The following SLC4A4 variants were observed in gnomAD, a reference collection of about 807,000 sequenced individuals.
SLC4A4 encodes the protein solute carrier family 4 member 4.
SLC4A4 carries 27 observed loss-of-function variants against 111.5 expected under a neutral mutation model. That is an observed-to-expected ratio of 0.24 (90% confidence interval 0.18 to 0.33). The LOEUF (loss-of-function observed/expected upper bound fraction) is 0.33, where lower values mean the gene tolerates loss of function less well. Ranked by LOEUF, SLC4A4 falls within the 10% of genes least tolerant of loss-of-function variation. The pLI is 1.00. For synonymous variants in SLC4A4, 443 were observed against 463.4 expected, an observed-to-expected ratio of 0.96 and a Z score of 0.57; for missense variants, 909 against 1,315.5, an observed-to-expected ratio of 0.69 and a Z score of 4.78.
chr4:71,282,234 A>G (rs976776938), intron 3 of SLC4A4, among the ~76,000 whole-genome samples: 3 of 151,898 alleles, frequency 2.0e-5, no homozygotes, highest in Non-Finnish European at 4.4e-5. Flanking sequence ...CCATTGCAGT[A>G]TAGTTTATGG....
At chr4:71,542,182 G>A (rs1026309) in intron 18 of SLC4A4, among the ~76,000 whole-genome samples, 26,819 of 152,052 alleles carry the variant, frequency 0.18, 3,859 homozygotes, top group East Asian at 0.49. Context: ...CACTGTACTA[G>A]ACATGGTAAG....
intron 2 of SLC4A4, among the ~76,000 whole-genome samples, chr4:71,171,938 G>A (rs1341393156): frequency 6.6e-6 from 1 of 152,178 alleles, no homozygotes; most frequent in East Asian, 1.9e-4. Context: ...GGCTACTGGT[G>A]GAGGCAGAGA....
intron 2 of SLC4A4, among the ~76,000 whole-genome samples, chr4:71,150,342 A>G (rs761959906): frequency 1.3e-5 from 2 of 152,088 alleles, no homozygotes; most frequent in Non-Finnish European, 2.9e-5. Flanking sequence ...GTGGTTAGGG[A>G]AACAGATGCC....
chr4:71,315,277 C>T (rs1352483294), intron 3 of SLC4A4, among the ~76,000 whole-genome samples: 1 of 152,114 alleles, frequency 6.6e-6, no homozygotes, highest in Non-Finnish European at 1.5e-5. Flanking sequence ...TCCAGAGTTA[C>T]TCTCCTAATA....
chr4:71,252,692 G>T (rs566063358), intron 2 of SLC4A4, among the ~76,000 whole-genome samples: 2 of 152,208 alleles, frequency 1.3e-5, no homozygotes, highest in African/African-American at 4.8e-5. Flanking sequence ...GCTTCGCAGA[G>T]GCCATCACTA....
At chr4:71,253,081 G>A (rs553325874) in intron 2 of SLC4A4, among the ~76,000 whole-genome samples, 1 of 152,196 alleles carries the variant, frequency 6.6e-6, no homozygotes, top group South Asian at 2.1e-4. Context: ...GAGGAAATGG[G>A]GATAGACAGA....
Position 71,316,303 on chromosome 4 carries a change from A to C in SLC4A4, c.254-23067A>C, listed in dbSNP as rs180808138. Among the ~76,000 whole-genome samples the C allele has an allele frequency of 3.6e-3, 545 of 152,262 alleles. 3 individuals are homozygous for C. The highest frequency in any genetic ancestry group is 0.012 in the African/African-American group (479 of 41,556). ...TCTTGCTGCGCTTGAAGTTTAGAAG[A>C]AAACCCTCCCTCTGAACATTCTGGA... On this transcript the variant is annotated intron_variant, in intron 3 of 25. Transcript: ENST00000264485.
intron 7 of SLC4A4, among the ~76,000 whole-genome samples, chr4:71,405,301 A>G (rs921756346): frequency 4.6e-5 from 7 of 152,144 alleles, no homozygotes; most frequent in Non-Finnish European, 8.8e-5. Context: ...TAGCAGCTTG[A>G]TGTTGAGTTT....
Position 71,291,859 on chromosome 4 carries a change from A to G in SLC4A4, c.253+36460A>G, listed in dbSNP as rs374450119. ...ATCAAATTGTGAATGAGTTATTACC[A>G]ATGTTGTAGTTAGAATTTCTTTTCC... On this transcript the variant is annotated intron_variant, in intron 3 of 25. Coordinates refer to ENST00000264485, the MANE Select transcript of SLC4A4 (RefSeq NM_001098484.3). Among the ~76,000 whole-genome samples, 181 of 152,296 alleles carry G rather than the reference A, an allele frequency of 1.2e-3. 2 individuals are homozygous for G. Among genetic ancestry groups the G allele is most frequent in the African/African-American group, 4.1e-3 (171 of 41,572 alleles).
chr4:71,314,869 C>A (rs1726549014), intron 3 of SLC4A4, among the ~76,000 whole-genome samples: 1 of 151,994 alleles, frequency 6.6e-6, no homozygotes, highest in Non-Finnish European at 1.5e-5. Context: ...ACCACCATGG[C>A]ACATGTATAC....
At chr4:71,395,899 G>A (rs1179256338) in intron 6 of SLC4A4, among the ~76,000 whole-genome samples, 1 of 152,096 alleles carries the variant, frequency 6.6e-6, no homozygotes, top group Non-Finnish European at 1.5e-5. Flanking sequence ...CATTGCTTTA[G>A]GATTGTATAA....
Position 71,453,546 on chromosome 4 carries a change from C to T in SLC4A4, c.1374C>T (p.Ala458=), listed in dbSNP as rs1213848376. The T allele has an allele frequency of 5.0e-6, 8 of 1,613,752 alleles. No individual in the cohort carries two copies. In the South Asian group the frequency reaches 7.7e-5, roughly 16 times the overall value. Residue 458 remains alanine, a synonymous_variant, in exon 12 of 26, where the codon GCC becomes GCT. Transcript: ENST00000264485. ...TAAAGAGGAAAGCGCCATTTTTTGC[C>T]AGTGATTTTTATGATGCTTTAAATA... ...KDIKRKAPFF[A]SDFYDALNIQ...
intron 16 of SLC4A4, among the ~76,000 whole-genome samples, chr4:71,498,835 G>A (rs1578048743): frequency 1.3e-5 from 2 of 152,262 alleles, no homozygotes; most frequent in East Asian, 3.9e-4. Flanking sequence ...TTAGCCCACA[G>A]TGTGTATACA....
At chr4:71,547,570 GT>G in intron 19 of SLC4A4, 77 bp from the exon 20 acceptor site, 1 of 1,201,364 alleles carries the variant, frequency 8.3e-7, no homozygotes, top group Non-Finnish European at 1.2e-6. Context: ...TCAATGTGTA[GT>G]TTTTTTGAAG....
At position 71,085,940 on chromosome 4, in the gene SLC4A4, G is replaced by A. The variant is rs960024741; in HGVS notation, c.-64-6790G>A. ...AAGTAGTTTTTTCCAATTCTGTGAAGAAAGTCTTTGGTAGCTTGATGGGGA... is the reference window on the plus strand; with the variant it reads ...AAGTAGTTTTTTCCAATTCTGTGAAAAAAGTCTTTGGTAGCTTGATGGGGA... On this transcript the variant is annotated intron_variant, in intron 1 of 26. Coordinates refer to the SLC4A4 transcript ENST00000649996. Among the ~76,000 whole-genome samples the A allele has an allele frequency of 1.6e-4, 25 of 152,024 alleles. 1 individual carries two copies. Among genetic ancestry groups the A allele is most frequent in the African/African-American group, 5.8e-4 (24 of 41,300 alleles).
intron 2 of SLC4A4, among the ~76,000 whole-genome samples, chr4:71,103,414 A>G (rs1447974587): frequency 1.3e-5 from 2 of 152,202 alleles, no homozygotes; most frequent in African/African-American, 4.8e-5. Context: ...CTCTGCACCA[A>G]GCAGACCTAA....
At chr4:71,106,080 AAAAC>A (rs749453428) in intron 2 of SLC4A4, among the ~76,000 whole-genome samples, 1 of 148,284 alleles carries the variant, frequency 6.7e-6, no homozygotes, top group African/African-American at 2.5e-5. Flanking sequence ...TTACAAGAAA[AAAAC>A]AAACAACCCC....
At chr4:71,552,837 AT>A (rs1157445345) in intron 20 of SLC4A4, among the ~76,000 whole-genome samples, 1 of 147,322 alleles carries the variant, frequency 6.8e-6, no homozygotes, top group Non-Finnish European at 1.5e-5. Context: ...TTGTAAAAAT[AT>A]CTACCTACTA....
At chr4:71,304,191 C>T (rs958030196) in intron 3 of SLC4A4, among the ~76,000 whole-genome samples, 9 of 152,124 alleles carry the variant, frequency 5.9e-5, no homozygotes, top group Middle Eastern at 3.4e-3. Context: ...TATACATGTG[C>T]GTATATATAT....
Sources: gnomAD v4.1 joint callset for allele counts (sites outside exome capture counted in the v4.1 genomes callset) on GRCh38, gnomAD v4.1.1 for gene constraint, MANE v1.5 for transcripts, NCBI Gene and HGNC (gene_info 2026-07-23, HGNC 2026-07-21) for gene names.